DGKG: variants seen among roughly 807,000 people sequenced by gnomAD.
The protein encoded by DGKG is DAG kinase gamma.
A neutral mutation model predicts 105.3 loss-of-function variants in DGKG; 78 were observed. The observed-to-expected ratio is 0.74, with a 90% CI of 0.62 to 0.89. The LOEUF is 0.89. DGKG is among the 40% of genes least tolerant of loss of function. DGKG has a pLI of 0.00. For synonymous variants in DGKG, 346 were observed against 367.1 expected (o/e 0.94, Z 0.66); for missense variants, 958 against 1,020.1 (o/e 0.94, Z 0.83).
intron 14 of DGKG, among the ~76,000 whole-genome samples, chr3:186,263,948 T>C (rs1721915170): frequency 6.6e-6 from 1 of 152,174 alleles, no homozygotes; most frequent in African/African-American, 2.4e-5. Context: ...TTTCCGATGA[T>C]CTAAAAAATT....
chr3:186,222,581 G>A (rs778295169), intron 20 of DGKG, among the ~76,000 whole-genome samples: 11 of 152,164 alleles, frequency 7.2e-5, no homozygotes, highest in South Asian at 2.1e-4. Context: ...GGTGGCTCAC[G>A]CCTGTAATCC....
chr3:186,255,148 A>C (rs2108566655), intron 17 of DGKG, among the ~76,000 whole-genome samples: 1 of 152,214 alleles, frequency 6.6e-6, no homozygotes, highest in South Asian at 2.1e-4. Context: ...TTGTTCCCTG[A>C]ATGTATTGTA....
At position 186,326,487 on chromosome 3, in the gene DGKG, G is replaced by A. The variant is rs955157111; in HGVS notation, c.-248-5780C>T. On this transcript the variant is annotated intron_variant, in intron 1 of 24. Transcript: ENST00000265022. ...TCTCTCTCTCTCTGTTAAATACCTT[G>A]AGTTCATACTTACACCTCCAACTCC... Among the ~76,000 whole-genome samples, 6 of 151,366 alleles carry A rather than the reference G, an allele frequency of 4.0e-5. No individual in the cohort carries two copies. In the South Asian group the frequency reaches 8.3e-4, roughly 21 times the overall value.
intron 22 of DGKG, among the ~76,000 whole-genome samples, chr3:186,166,486 T>A (rs1716551781): frequency 6.6e-6 from 1 of 152,074 alleles, no homozygotes; most frequent in African/African-American, 2.4e-5. Context: ...TCTGAAGGAG[T>A]TTGGACCTAA....
In DGKG at chr3:186,348,289, T is replaced by A. The variant is rs1356116464; in HGVS notation, c.-249+13657A>T. ...TCTTTTCCATTCCCAAGCTTTAATG[T>A]TAATTTCTCTGTTGACCAGAATAGT... On this transcript the variant is annotated intron_variant, in intron 1 of 24. Transcript: ENST00000265022. Among the ~76,000 whole-genome samples the A allele has an allele frequency of 3.9e-5, 6 of 152,154 alleles. No individual in the cohort carries two copies. The East Asian group carries it at 1.2e-3, about 29-fold the overall frequency.
chr3:186,203,546 G>A lies in DGKG; in HGVS notation c.1917+8249C>T, dbSNP rs1012699532. On this transcript the variant is annotated intron_variant, in intron 21 of 24. Coordinates refer to ENST00000265022, the MANE Select transcript of DGKG (RefSeq NM_001346.3). The surrounding 1 kb of genome is among the most constrained non-coding windows in gnomAD (Gnocchi z 4.9). ...AGAAAGAAACCAAGTGGTGAGAACCGGTGAATGGGCAAGAAGAAGCAACCA... is the reference window on the plus strand; with the variant it reads ...AGAAAGAAACCAAGTGGTGAGAACCAGTGAATGGGCAAGAAGAAGCAACCA... 6.6e-5 allele frequency among the ~76,000 whole-genome samples: 10 copies of A among 152,180 alleles called. No homozygotes were observed. The highest frequency in any genetic ancestry group is 2.4e-4 in the African/African-American group (10 of 41,440).
At chr3:186,245,692 G>A (rs984053359) in intron 19 of DGKG, among the ~76,000 whole-genome samples, 1 of 152,150 alleles carries the variant, frequency 6.6e-6, no homozygotes, top group Non-Finnish European at 1.5e-5. Flanking sequence ...ATGGTGGAAG[G>A]TATGGACATA....
chr3:186,158,393 G>A, intron 24 of DGKG: 1 of 983,212 alleles, frequency 1.0e-6, no homozygotes, highest in Non-Finnish European at 1.2e-6. Context: ...ATCTACCATG[G>A]TGGCTTTGAT....
chr3:186,155,973 T>C (rs1238622531), intron 24 of DGKG, among the ~76,000 whole-genome samples: 1 of 152,240 alleles, frequency 6.6e-6, no homozygotes, highest in Non-Finnish European at 1.5e-5. Flanking sequence ...CTATGAATTC[T>C]CTGTTCACTA....
At chr3:186,335,393 T>C (rs960332986) in intron 1 of DGKG, among the ~76,000 whole-genome samples, 18 of 152,220 alleles carry the variant, frequency 1.2e-4, no homozygotes, top group African/African-American at 4.1e-4. Context: ...GTGAGTGAAA[T>C]AAGTAATATT....
At chr3:186,213,781 T>C (rs1719149335) in intron 20 of DGKG, among the ~76,000 whole-genome samples, 1 of 152,184 alleles carries the variant, frequency 6.6e-6, no homozygotes, top group African/African-American at 2.4e-5. Context: ...ATTATGCAGA[T>C]GGTCAGTGGA....
At chr3:186,347,448 CAAAAAAA>C (rs576239325) in intron 1 of DGKG, among the ~76,000 whole-genome samples, 31 of 51,564 alleles carry the variant, frequency 6.0e-4, no homozygotes, top group African/African-American at 2.0e-3. Context: ...GACTCAGTCT[CAAAAAAA>C]AAAAAAAAAA....
At chr3:186,154,460 A>G (rs1715927093) in intron 24 of DGKG, among the ~76,000 whole-genome samples, 1 of 152,044 alleles carries the variant, frequency 6.6e-6, no homozygotes, top group Non-Finnish European at 1.5e-5. Flanking sequence ...CCTCGCCAAC[A>G]TGGTGAAATC....
intron 21 of DGKG, among the ~76,000 whole-genome samples, chr3:186,207,169 G>A (rs879666542): frequency 3.9e-5 from 6 of 152,206 alleles, no homozygotes; most frequent in South Asian, 4.1e-4. Flanking sequence ...TAGGGTGAAC[G>A]TTTGCAATAT....
At chr3:186,199,582 G>A (rs1359768838) in intron 21 of DGKG, among the ~76,000 whole-genome samples, 2 of 151,910 alleles carry the variant, frequency 1.3e-5, no homozygotes, top group African/African-American at 2.4e-5. Context: ...GCATGATCTC[G>A]CCTCACTGCA....
At chr3:186,311,608 A>T (rs1209629489) in intron 2 of DGKG, among the ~76,000 whole-genome samples, 1 of 152,172 alleles carries the variant, frequency 6.6e-6, no homozygotes, top group African/African-American at 2.4e-5. Flanking sequence ...TGGGACCTAA[A>T]CCAAGCACTG....
In DGKG at chr3:186,201,581, G is replaced by A. The variant is rs1718465233; in HGVS notation, c.1917+10214C>T. ...CCAATAGCTTCCTAGAGATGGGCGT[G>A]GGAGGCCTTCTCACTCACTGCGCAG... On this transcript the variant is annotated intron_variant, in intron 21 of 24. Transcript: ENST00000265022. Among the ~76,000 whole-genome samples, 4 of 152,288 alleles carry A rather than the reference G, an allele frequency of 2.6e-5. No individual in the cohort carries two copies. In the South Asian group the frequency reaches 6.2e-4, roughly 24 times the overall value.
intron 6 of DGKG, among the ~76,000 whole-genome samples, chr3:186,287,247 T>C (rs1469705116): frequency 6.6e-6 from 1 of 152,168 alleles, no homozygotes; most frequent in Non-Finnish European, 1.5e-5. Flanking sequence ...AATCATTTTC[T>C]TTAGCTGTAA....
chr3:186,254,733 C>T (rs548689082), intron 17 of DGKG, among the ~76,000 whole-genome samples: 59 of 152,264 alleles, frequency 3.9e-4, no homozygotes, highest in South Asian at 8.3e-4. Flanking sequence ...AGCCTCCTCT[C>T]GGCTCTCTCC....
Sources: gnomAD v4.1 joint callset for allele counts (sites outside exome capture counted in the v4.1 genomes callset) on GRCh38, gnomAD v4.1.1 for gene constraint, Gnocchi (gnomAD v3.1) non-coding constraint, MANE v1.5 for transcripts, NCBI Gene and HGNC (gene_info 2026-07-23, HGNC 2026-07-21) for gene names.